Variants in RASGRF2 observed in about 807,000 individuals in gnomAD.
RASGRF2 encodes Ras protein specific guanine nucleotide releasing factor 2, also known as ras-specific guanine nucleotide-releasing factor 2.
Under a neutral mutation model 151.0 loss-of-function variants are expected in RASGRF2, and 76 were observed. That is an observed-to-expected ratio of 0.50 (90% CI 0.42 to 0.61). The LOEUF is 0.61. RASGRF2 is among the 20% of genes least tolerant of loss of function. The probability of loss-of-function intolerance (pLI) is 0.00; values close to 1 mark genes in which losing one functional copy is unlikely to be tolerated. For synonymous variants in RASGRF2, 504 were observed against 566.5 expected, an observed-to-expected ratio of 0.89 and a Z score of 1.57; for missense variants, 1,148 against 1,564.6, an observed-to-expected ratio of 0.73 and a Z score of 4.49.
At chr5:81,094,700 A>G (rs1481379876) in intron 11 of RASGRF2, among the ~76,000 whole-genome samples, 156 bp from the exon 12 acceptor site, 1 of 152,124 alleles carries the variant, frequency 6.6e-6, no homozygotes, top group Non-Finnish European at 1.5e-5. Context: ...TATGAGCTTA[A>G]TAAAGCCCTC....
At chr5:81,077,565 AG>A (rs1387877761) in intron 5 of RASGRF2, among the ~76,000 whole-genome samples, 1 of 152,192 alleles carries the variant, frequency 6.6e-6, no homozygotes, top group Non-Finnish European at 1.5e-5. Flanking sequence ...AAAAGGAAGG[AG>A]GGAGATTTCC....
At position 81,144,082 on chromosome 5, in the gene RASGRF2, A is replaced by G. The variant is rs79044815; in HGVS notation, c.2686+16919A>G. On this transcript the variant is annotated intron_variant, in intron 17 of 26. Transcript: ENST00000265080. ...TATACAATGAAAAGTGGAATTTCTC[A>G]ATGAACTTTTTTGGGAGAAATAACC... 8.2e-3 allele frequency among the ~76,000 whole-genome samples: 1,251 copies of G among 152,328 alleles called. 11 individuals are homozygous for G. Among genetic ancestry groups the G allele is most frequent in the Admixed American group, 0.016 (239 of 15,302 alleles).
chr5:80,968,539 C>A (rs1278201457), intron 1 of RASGRF2, among the ~76,000 whole-genome samples: 1 of 151,982 alleles, frequency 6.6e-6, no homozygotes, highest in African/African-American at 2.4e-5. Flanking sequence ...ATAATGTGTG[C>A]TATTATAAAG....
chr5:81,217,073 C>G, intron 24 of RASGRF2: 1 of 452,936 alleles, frequency 2.2e-6, no homozygotes, highest in South Asian at 1.8e-5. Flanking sequence ...CAAACAATTA[C>G]TGCTAGCAAA....
intron 15 of RASGRF2, among the ~76,000 whole-genome samples, chr5:81,120,505 C>T (rs1007184622): frequency 6.6e-6 from 1 of 152,124 alleles, no homozygotes; most frequent in African/African-American, 2.4e-5. Context: ...ATCACTTGAG[C>T]CTAAGAGGTC....
chr5:81,128,978 A>G (rs1561221928), intron 17 of RASGRF2, among the ~76,000 whole-genome samples: 1 of 151,450 alleles, frequency 6.6e-6, no homozygotes, highest in Non-Finnish European at 1.5e-5. Context: ...ATCTCTACTA[A>G]AAATACAAAA....
intron 15 of RASGRF2, among the ~76,000 whole-genome samples, chr5:81,121,488 GC>G (rs1300072899): frequency 2.4e-4 from 37 of 152,300 alleles, no homozygotes; most frequent in African/African-American, 8.4e-4. Context: ...GATAATGCCA[GC>G]CTTGCAAAAT....
intron 12 of RASGRF2, among the ~76,000 whole-genome samples, chr5:81,101,227 G>C (rs191857612): frequency 6.6e-6 from 1 of 152,144 alleles, no homozygotes; most frequent in Non-Finnish European, 1.5e-5. Flanking sequence ...TAAGTGAACT[G>C]TATACAGGCA....
At chr5:81,186,038 C>A (rs1311845613) in intron 18 of RASGRF2, among the ~76,000 whole-genome samples, 2 of 152,152 alleles carry the variant, frequency 1.3e-5, no homozygotes, top group Non-Finnish European at 2.9e-5. Flanking sequence ...CTTGGGAGAG[C>A]AATTTCACAA....
At chr5:81,124,359 G>T (rs1280280863) in intron 16 of RASGRF2, among the ~76,000 whole-genome samples, 1 of 148,046 alleles carries the variant, frequency 6.8e-6, no homozygotes, top group Non-Finnish European at 1.5e-5. Flanking sequence ...ATTGCATTTT[G>T]TGAGGAGTAA....
At chr5:81,080,487 C>T (rs185389899) in intron 6 of RASGRF2, 109 bp from the exon 7 acceptor site, 2 of 1,209,594 alleles carry the variant, frequency 1.7e-6, no homozygotes, top group Admixed American at 4.2e-5. Context: ...GTTGCGGCTC[C>T]ATGCATGTGT....
chr5:81,043,773 C>G (rs561179134), intron 2 of RASGRF2, among the ~76,000 whole-genome samples: 98 of 152,302 alleles, frequency 6.4e-4, no homozygotes, highest in Non-Finnish European at 1.1e-3. Context: ...GGGCAACACT[C>G]TAGCTGTGGC....
At chr5:81,199,891 C>G (rs1755347772) in intron 18 of RASGRF2, among the ~76,000 whole-genome samples, 1 of 105,178 alleles carries the variant, frequency 9.5e-6, no homozygotes. Flanking sequence ...GAGTGAGACT[C>G]CATCTCAAAA....
At chr5:81,073,642 G>A (rs1180677413) in intron 5 of RASGRF2, among the ~76,000 whole-genome samples, 190 bp downstream of exon 5, 1 of 151,114 alleles carries the variant, frequency 6.6e-6, no homozygotes, top group African/African-American at 2.4e-5. Context: ...TTTTTGAGAT[G>A]GAGTCTTGCT....
intron 18 of RASGRF2, among the ~76,000 whole-genome samples, chr5:81,185,145 G>T (rs1754998076): frequency 6.6e-6 from 1 of 152,208 alleles, no homozygotes; most frequent in Non-Finnish European, 1.5e-5. Context: ...TGAGGTAGGA[G>T]AGGTCAAGGA....
chr5:81,152,799 A>T (rs1479395698), intron 17 of RASGRF2, among the ~76,000 whole-genome samples: 1 of 152,176 alleles, frequency 6.6e-6, no homozygotes, highest in African/African-American at 2.4e-5. Context: ...GTGGGTGTCT[A>T]TGGCATTTTA....
chr5:81,009,117 G>T (rs567990533), intron 1 of RASGRF2, among the ~76,000 whole-genome samples: 1 of 152,338 alleles, frequency 6.6e-6, no homozygotes, highest in African/African-American at 2.4e-5. Context: ...GTGGGTGATT[G>T]TCCTGCCTCT....
At chr5:81,212,273 T>C (rs1755645249) in intron 22 of RASGRF2, 93 bp from the exon 23 acceptor site, 2 of 862,466 alleles carry the variant, frequency 2.3e-6, no homozygotes, top group Non-Finnish European at 3.6e-6. Context: ...ACACCCTGCC[T>C]TCCTGACAGG....
chr5:80,975,624 A>G (rs986805615), intron 1 of RASGRF2, among the ~76,000 whole-genome samples: 2 of 152,210 alleles, frequency 1.3e-5, no homozygotes, highest in Admixed American at 1.3e-4. Flanking sequence ...TGAACAAAAG[A>G]AAAGAAAAAT....
Sources: allele counts gnomAD v4.1 joint callset (sites outside exome capture counted in the v4.1 genomes callset), GRCh38; gene constraint gnomAD v4.1.1; transcripts MANE v1.5; gene names NCBI Gene and HGNC (gene_info 2026-07-23, HGNC 2026-07-21).